ARHGAP15: variants seen among roughly 807,000 people sequenced by gnomAD.
ARHGAP15 encodes Rho GTPase activating protein 15, also known as rho GTPase-activating protein 15.
In ARHGAP15, 51 loss-of-function variants were observed where a neutral mutation model predicts 63.7. The ratio of observed to expected loss-of-function variants is 0.80; its 90% CI spans 0.64 to 1.01. The LOEUF (loss-of-function observed/expected upper bound fraction) is 1.01. Among genes scored for constraint, ARHGAP15 ranks in the 50% least tolerant of loss-of-function variants. The probability of loss-of-function intolerance (pLI) is 0.00; values close to 1 mark genes in which losing one functional copy is unlikely to be tolerated. For missense variants in ARHGAP15, 560 were observed against 564.6 expected (o/e 0.99, Z 0.08); for synonymous variants, 191 against 193.8 (o/e 0.99, Z 0.12).
chr2:143,397,248 T>C (rs1687801422), intron 6 of ARHGAP15, among the ~76,000 whole-genome samples: 2 of 57,206 alleles, frequency 3.5e-5, no homozygotes, highest in South Asian at 1.3e-3. Flanking sequence ...CACTGATTTA[T>C]GTGAACAATA....
intron 3 of ARHGAP15, 37 bp downstream of exon 3, chr2:143,202,239 T>C (rs1464902227): frequency 6.5e-7 from 1 of 1,535,514 alleles, no homozygotes; most frequent in Non-Finnish European, 9.0e-7. Flanking sequence ...CATCTACTGA[T>C]ACAAAATAAA....
At chr2:143,154,977 G>A (rs912093861) in intron 1 of ARHGAP15, among the ~76,000 whole-genome samples, 27 of 151,780 alleles carry the variant, frequency 1.8e-4, no homozygotes, top group Non-Finnish European at 3.7e-4. Flanking sequence ...ATTGTGAGTG[G>A]GGGTAGGGGC....
intron 6 of ARHGAP15, among the ~76,000 whole-genome samples, chr2:143,321,069 G>A (rs1191731294): frequency 6.6e-6 from 1 of 152,106 alleles, no homozygotes; most frequent in Non-Finnish European, 1.5e-5. Context: ...TGGATGCCTG[G>A]ATGCCTACCC....
chr2:143,283,774 T>C (rs1681969042), intron 6 of ARHGAP15, among the ~76,000 whole-genome samples: 1 of 152,214 alleles, frequency 6.6e-6, no homozygotes, highest in African/African-American at 2.4e-5. Context: ...TCAAACTTTG[T>C]CTTTCTATCC....
chr2:143,275,249 C>A lies in ARHGAP15; in HGVS notation c.474+24649C>A, dbSNP rs115988990. Among the ~76,000 whole-genome samples the A allele has an allele frequency of 3.8e-3, 576 of 152,240 alleles. 5 individuals carry two copies. The highest frequency in any genetic ancestry group is 0.013 in the African/African-American group (546 of 41,548). Reference sequence around the variant, plus strand: ...GAGTTAGGAGAAATATGGAAGTTCTCTAGTCAGCCGCTGTCAAACCTTGGC... The same window carrying A: ...GAGTTAGGAGAAATATGGAAGTTCTATAGTCAGCCGCTGTCAAACCTTGGC... On this transcript the variant is annotated intron_variant, in intron 6 of 13. Coordinates refer to ENST00000295095, the MANE Select transcript of ARHGAP15 (RefSeq NM_018460.4).
chr2:143,313,661 G>A (rs1225520988), intron 6 of ARHGAP15, among the ~76,000 whole-genome samples: 1 of 152,144 alleles, frequency 6.6e-6, no homozygotes, highest in Non-Finnish European at 1.5e-5. Flanking sequence ...CAGATGCTGA[G>A]GTAGAGTCTA....
At chr2:143,458,334 T>C (rs1446872278) in intron 8 of ARHGAP15, among the ~76,000 whole-genome samples, 1 of 152,156 alleles carries the variant, frequency 6.6e-6, no homozygotes, top group Non-Finnish European at 1.5e-5. Flanking sequence ...CACCGCTGTG[T>C]CTGCAGCTAT....
intron 12 of ARHGAP15, chr2:143,656,114 A>G (rs904997704): frequency 1.3e-5 from 2 of 152,184 alleles, no homozygotes; most frequent in Admixed American, 6.5e-5. Context: ...AGAATCCACA[A>G]TGATGCTTAC....
chr2:143,266,535 GAT>G (rs1558854092), intron 6 of ARHGAP15, among the ~76,000 whole-genome samples: 2 of 152,102 alleles, frequency 1.3e-5, no homozygotes, highest in Non-Finnish European at 2.9e-5. Context: ...ATTTGGAAAT[GAT>G]ATGTATCTAT....
chr2:143,475,284 A>G (rs1425511693), intron 8 of ARHGAP15, among the ~76,000 whole-genome samples: 1 of 152,116 alleles, frequency 6.6e-6, no homozygotes, highest in African/African-American at 2.4e-5. Context: ...GTGAGGACAA[A>G]CCACCCCACT....
At chr2:143,183,494 A>AT (rs1424033762) in intron 2 of ARHGAP15, among the ~76,000 whole-genome samples, 4 of 151,960 alleles carry the variant, frequency 2.6e-5, no homozygotes, top group Admixed American at 6.6e-5. Flanking sequence ...AGAGGCTACA[A>AT]TTTTTTTTGT....
At position 143,565,758 on chromosome 2, in the gene ARHGAP15, T is replaced by C. The variant is rs148199620; in HGVS notation, c.1003+9273T>C. 5.5e-3 allele frequency among the ~76,000 whole-genome samples: 844 copies of C among 152,292 alleles called. 9 individuals are homozygous for C. Among genetic ancestry groups the C allele is most frequent in the African/African-American group, 0.019 (781 of 41,562 alleles). On this transcript the variant is annotated intron_variant, in intron 11 of 13. Transcript: ENST00000295095. ...TAATTGAACATGTCAGTCATGATAT[T>C]GGAAATAGTGGTATAACTTGGCATG... is the stretch of plus-strand genomic sequence containing the variant.
In ARHGAP15 at chr2:143,155,369, T is replaced by C; in HGVS notation, c.-14-108T>C. On this transcript the variant is annotated intron_variant, in intron 1 of 13. Coordinates refer to ENST00000295095, the MANE Select transcript of ARHGAP15 (RefSeq NM_018460.4). ...TCACTAGTCAGAGAGGTGAAGACTC[T>C]TGTTTATCAACTTTTAATATCCTAA... 2 of 1,088,710 alleles carry C rather than the reference T, an allele frequency of 1.8e-6. 1 individual carries two copies. Among genetic ancestry groups the C allele is most frequent in the South Asian group, 3.5e-5 (2 of 57,552 alleles). The allele number at this position is 1,088,710 out of a possible 1,614,324, so 67.4% of individuals were successfully genotyped here. A position where few individuals can be genotyped will look rare whatever the true frequency, so the allele number is the denominator to read the frequency against.
rs556231336 is a variant in ARHGAP15 at position 143,702,885 on chromosome 2, G to A, written c.1139-534G>A. ...TTTGTGATTCCACTGGGCCCATTGA[G>A]ATAATCCAGAAAAATCTCCCCATCT... On this transcript the variant is annotated intron_variant, in intron 12 of 13. Coordinates refer to ENST00000295095, the MANE Select transcript of ARHGAP15 (RefSeq NM_018460.4). Among the ~76,000 whole-genome samples the A allele has an allele frequency of 1.2e-4, 18 of 152,150 alleles. No individual in the cohort carries two copies. In the South Asian group the frequency reaches 3.5e-3, roughly 30 times the overall value.
chr2:143,495,511 A>G (rs1051645679), intron 9 of ARHGAP15, among the ~76,000 whole-genome samples: 4 of 152,316 alleles, frequency 2.6e-5, no homozygotes, highest in African/African-American at 9.6e-5. Flanking sequence ...TGGAACATTT[A>G]AGTAATTACC....
At chr2:143,675,566 T>C (rs1345856060) in intron 12 of ARHGAP15, among the ~76,000 whole-genome samples, 1 of 152,198 alleles carries the variant, frequency 6.6e-6, no homozygotes, top group Non-Finnish European at 1.5e-5. Flanking sequence ...AGAATGTATA[T>C]TGTGTTAGCA....
chr2:143,509,390 C>T (rs886267850), intron 9 of ARHGAP15, among the ~76,000 whole-genome samples: 4 of 151,150 alleles, frequency 2.6e-5, no homozygotes, highest in Non-Finnish European at 5.9e-5. Flanking sequence ...CAGTGCATGT[C>T]GTAGATTCAG....
intron 12 of ARHGAP15, among the ~76,000 whole-genome samples, chr2:143,673,032 TAAGAA>T (rs1417031347): frequency 6.6e-6 from 1 of 151,982 alleles, no homozygotes; most frequent in Admixed American, 6.6e-5. Flanking sequence ...ACAGAAAAAT[TAAGAA>T]AAGGGAACCA....
intron 9 of ARHGAP15, among the ~76,000 whole-genome samples, chr2:143,493,068 A>AC (rs1203343338): frequency 2.7e-5 from 4 of 148,596 alleles, no homozygotes; most frequent in African/African-American, 1.0e-4. Context: ...AAAAAAAAAC[A>AC]AAAAAAACCA....
Sources: gnomAD v4.1 joint callset for allele counts (sites outside exome capture counted in the v4.1 genomes callset) on GRCh38, gnomAD v4.1.1 for gene constraint, MANE v1.5 for transcripts, NCBI Gene and HGNC (gene_info 2026-07-23, HGNC 2026-07-21) for gene names.